TEP1: variants seen among roughly 807,000 people sequenced by gnomAD.
TEP1 encodes telomerase protein component 1.
Under a neutral mutation model 306.3 loss-of-function variants are expected in TEP1, and 241 were observed. That is an observed-to-expected ratio of 0.79 (90% CI 0.71 to 0.88). The LOEUF is 0.88. Ranked by LOEUF, TEP1 falls within the 40% of genes least tolerant of loss-of-function variation. TEP1 has a pLI of 0.00. For synonymous variants in TEP1, 1,289 were observed against 1,305.5 expected, an observed-to-expected ratio of 0.99 and a Z score of 0.27; for missense variants, 3,051 against 3,276.1, an observed-to-expected ratio of 0.93 and a Z score of 1.68.
chr14:20,403,921 C>T (rs780947643), intron 5 of TEP1, 37 bp from the exon 6 acceptor site: 4 of 1,612,640 alleles, frequency 2.5e-6, no homozygotes, highest in African/African-American at 1.3e-5. Context: ...AGAAGCAAGA[C>T]CCAAACCAAC....
chr14:20,384,789 G>C (rs1876978147), intron 21 of TEP1, 76 bp from the exon 22 acceptor site: 1 of 1,511,008 alleles, frequency 6.6e-7, no homozygotes, highest in Admixed American at 1.8e-5. Context: ...ACCAGACATA[G>C]CTGTAATTTC....
In TEP1 at chr14:20,373,636, G is replaced by A. The variant is rs1884994956; in HGVS notation, c.6604+42C>T. Reference sequence around the variant, plus strand: ...AGAAGGGACGGAGCAGGGGAGAAAAGAAGAGACAGCAGGGAAGGGGAGGTG... The same window carrying A: ...AGAAGGGACGGAGCAGGGGAGAAAAAAAGAGACAGCAGGGAAGGGGAGGTG... On this transcript the variant is annotated intron_variant, in intron 45 of 54. Transcript: ENST00000262715. 2.5e-6 allele frequency: 4 copies of A among 1,614,156 alleles called. No homozygotes were observed. In the East Asian group the frequency reaches 8.9e-5, roughly 36 times the overall value.
At chr14:20,390,416 A>G (rs1051335340) in intron 15 of TEP1, among the ~76,000 whole-genome samples, 2 of 152,202 alleles carry the variant, frequency 1.3e-5, no homozygotes, top group African/African-American at 2.4e-5. Flanking sequence ...CAGTAGCATC[A>G]TGTCGATAGC....
At chr14:20,409,772 G>T (rs908447702) in intron 1 of TEP1, among the ~76,000 whole-genome samples, 2 of 152,072 alleles carry the variant, frequency 1.3e-5, no homozygotes, top group South Asian at 4.1e-4. Context: ...TGTAATCCCA[G>T]CACTTTGGGA....
At position 20,408,395 on chromosome 14, in the gene TEP1, GAGGATGTCTGGATGGGC is replaced by G. The variant is rs746916035; in HGVS notation, c.28_44del (p.Ala10LeufsTer12). 2 of 1,614,114 alleles carry G rather than the reference GAGGATGTCTGGATGGGC, an allele frequency of 1.2e-6. No homozygotes were observed. ...TAGCCAGGCACCGGTTCTCCAAGGA[GAGGATGTCTGGATGGGC>G]AGACACATGCCCATGGAGTTTTTCC... On this transcript the variant is annotated frameshift_variant, in exon 2 of 55. Transcript: ENST00000262715. LOFTEE classifies it high-confidence loss of function.
chr14:20,368,504 G>C lies in TEP1; in HGVS notation c.7817C>G (p.Ala2606Gly). Residue 2606 changes from alanine to glycine, a missense_variant, in exon 55 of 55, where the codon GCT becomes GGT. This residue lies in a region of TEP1 where 1,540 missense variants were observed against 1,705.9 expected (regional missense o/e 0.90). Transcript: ENST00000262715. ...SVSCLEPWLG[A>G]NSTLQLAVGD... is the part of the protein sequence containing the mutation. The stretch of plus-strand genomic sequence containing the variant: ...CACGGCAAGCTGCAGGGTGGAGTTA[G>C]CGCCCAGCCAAGGTTCCAGGCAGCT... 6.2e-7 allele frequency: 1 copy of C among 1,614,158 alleles called. No individual in the cohort carries two copies. The highest frequency in any genetic ancestry group is 8.5e-7 in the Non-Finnish European group (1 of 1,180,046).
intron 11 of TEP1, 36 bp from the exon 12 acceptor site, chr14:20,395,663 CTTCTATTCCCTCATCT>C (rs956075598): frequency 1.5e-5 from 24 of 1,574,836 alleles, no homozygotes; most frequent in Middle Eastern, 1.7e-4. Context: ...AGTTAGGCAG[CTTCTATTCCCTCATCT>C]TTTCCTACCA....
intron 15 of TEP1, 43 bp from the exon 16 acceptor site, chr14:20,389,783 G>A (rs779780520): frequency 3.5e-5 from 56 of 1,607,850 alleles, no homozygotes; most frequent in Non-Finnish European, 4.4e-5. Flanking sequence ...AGGGATGCTA[G>A]ACAGCCCAGG....
At position 20,377,594 on chromosome 14, in the gene TEP1, C is replaced by G. The variant is rs774020912; in HGVS notation, c.5875+6G>C. ...CTCAAAAACCCACCCATTCCCATTT[C>G]AGTACCTGAAGAGATTTTGTAGATC... On this transcript the variant is annotated splice_donor_region_variant and intron_variant, in intron 40 of 54. Transcript: ENST00000262715. 2.7e-5 allele frequency: 43 copies of G among 1,614,040 alleles called. No homozygotes were observed. Among genetic ancestry groups the G allele is most frequent in the Non-Finnish European group, 3.6e-5 (43 of 1,180,032 alleles).
rs1876765486 is a variant in TEP1 at position 20,383,306 on chromosome 14, C to T, written c.3915G>A (p.Glu1305=). 4 of 1,611,716 alleles carry T rather than the reference C, an allele frequency of 2.5e-6. No homozygotes were observed. The highest frequency in any genetic ancestry group is 3.4e-6 in the Non-Finnish European group (4 of 1,179,010). Residue 1305 remains glutamate (E), a synonymous_variant, in exon 27 of 55, where the codon GAG becomes GAA. Coordinates refer to ENST00000262715, the MANE Select transcript of TEP1 (RefSeq NM_007110.5). ...GGGCACCCTGGCTCTGCTCAAGGGT[C>T]TCCCCTAGGCCTGCATCACTAGACA... ...LSVSSDAGLG[E]TLEQSQGAHV... is the part of the protein sequence containing the mutation.
At chr14:20,400,137 C>CA (rs58121179) in intron 9 of TEP1, among the ~76,000 whole-genome samples, 968 of 80,078 alleles carry the variant, frequency 0.012, 4 homozygotes, top group African/African-American at 0.023. Context: ...AACTCCGTCT[C>CA]AAAAAAAAAA....
intron 44 of TEP1, among the ~76,000 whole-genome samples, chr14:20,374,107 A>G (rs1885030360): frequency 6.7e-6 from 1 of 150,272 alleles, no homozygotes; most frequent in African/African-American, 2.4e-5. Flanking sequence ...TTTTTTTTAA[A>G]GATAGGGTCT....
At chr14:20,386,727 G>T in intron 18 of TEP1, 104 bp from the exon 19 acceptor site, 1 of 1,274,446 alleles carries the variant, frequency 7.8e-7, no homozygotes, top group Non-Finnish European at 1.0e-6. Context: ...AGCCAGGTAC[G>T]ACAGACAGCA....
intron 10 of TEP1, 88 bp from the exon 11 acceptor site, chr14:20,396,037 G>T: frequency 1.2e-6 from 1 of 856,206 alleles, no homozygotes; most frequent in Non-Finnish European, 1.8e-6. Flanking sequence ...TTTGTGGGAA[G>T]GTACAGAAGG....
In TEP1 at chr14:20,365,979, G is replaced by A. The variant is rs187388036; in HGVS notation, c.*2458C>T. The A allele has an allele frequency of 6.6e-6, 1 of 152,302 alleles. No homozygotes were observed. The highest frequency in any genetic ancestry group is 1.9e-4 in the East Asian group (1 of 5,186). The allele number at this position is 152,302 out of a possible 1,614,324, so 9.4% of individuals were successfully genotyped here. ...ACTGTAAAACTCATCCAGCCTTTGG[G>A]AGACACTGAAACTCCATTTAAAGAT... On this transcript the variant is annotated 3_prime_UTR_variant, in exon 55 of 55. Coordinates refer to ENST00000262715, the MANE Select transcript of TEP1 (RefSeq NM_007110.5).
At chr14:20,383,025 A>G (rs1471214029) in intron 27 of TEP1, 149 bp downstream of exon 27, 14 of 981,618 alleles carry the variant, frequency 1.4e-5, no homozygotes, top group Non-Finnish European at 1.9e-5. Flanking sequence ...AGGAATCACA[A>G]TTTTCTTATT....
At chr14:20,382,961 C>T (rs962451599) in intron 27 of TEP1, among the ~76,000 whole-genome samples, 4 of 152,368 alleles carry the variant, frequency 2.6e-5, no homozygotes, top group East Asian at 1.9e-4. Flanking sequence ...CCCCTCACCC[C>T]GAGAGGCCCT....
intron 9 of TEP1, among the ~76,000 whole-genome samples, chr14:20,399,751 G>A (rs1380289240): frequency 6.6e-6 from 1 of 151,702 alleles, no homozygotes; most frequent in Non-Finnish European, 1.5e-5. Context: ...ATTAGACTAT[G>A]GGCATTTGCC....
At chr14:20,411,871 G>A (rs1879702628) in intron 1 of TEP1, among the ~76,000 whole-genome samples, 1 of 151,884 alleles carries the variant, frequency 6.6e-6, no homozygotes, top group South Asian at 2.1e-4. Flanking sequence ...CTAGCATTTT[G>A]GGAGGCTGAG....
Sources: allele counts gnomAD v4.1 joint callset (sites outside exome capture counted in the v4.1 genomes callset), GRCh38; gene constraint gnomAD v4.1.1; regional missense constraint gnomAD v4.1.1; transcripts MANE v1.5; gene names NCBI Gene and HGNC (gene_info 2026-07-23, HGNC 2026-07-21).